The following RAD51 variants were observed in gnomAD, a reference collection of about 807,000 sequenced individuals.
RAD51 encodes RAD51 recombinase.
In RAD51, 14 loss-of-function variants were observed where a neutral mutation model predicts 41.5. That is an observed-to-expected ratio of 0.34 (90% CI 0.22 to 0.53). The LOEUF is 0.53. RAD51 is among the 20% of genes least tolerant of loss of function. The pLI, the probability that RAD51 is intolerant of heterozygous loss-of-function variation, is 0.95. For missense variants in RAD51, 234 were observed against 422.0 expected, an observed-to-expected ratio of 0.55 and a Z score of 3.90; for synonymous variants, 136 against 148.6, an observed-to-expected ratio of 0.92 and a Z score of 0.62.
chr15:40,711,469 T>A (rs1287249049), intron 5 of RAD51, among the ~76,000 whole-genome samples: 1 of 152,056 alleles, frequency 6.6e-6, no homozygotes, highest in East Asian at 1.9e-4. Context: ...TGAGTGGAGA[T>A]AATAGATGTC....
intron 1 of RAD51, among the ~76,000 whole-genome samples, chr15:40,696,265 A>G (rs1894626689): frequency 6.6e-6 from 1 of 152,150 alleles, no homozygotes; most frequent in African/African-American, 2.4e-5. Context: ...AACTGTATAC[A>G]ACTCCGTGAA....
chr15:40,727,074 C>G (rs912620958), intron 6 of RAD51, among the ~76,000 whole-genome samples: 16 of 152,138 alleles, frequency 1.1e-4, no homozygotes, highest in African/African-American at 3.9e-4. Context: ...GGTAAACCTT[C>G]TCTGTTTTTA....
chr15:40,702,806 C>T (rs963911343), intron 3 of RAD51, among the ~76,000 whole-genome samples: 1 of 150,486 alleles, frequency 6.6e-6, no homozygotes, highest in African/African-American at 2.5e-5. Flanking sequence ...GCACTAGCCA[C>T]TGTGCCCACC....
intron 5 of RAD51, among the ~76,000 whole-genome samples, chr15:40,710,241 C>CAAAAAAAAAAAAAAAA (rs71104728): frequency 4.5e-5 from 2 of 44,302 alleles, no homozygotes; most frequent in Non-Finnish European, 7.0e-5. Context: ...GACTCTGTCT[C>CAAAAAAAAAAAAAAAA]AAAAAAAAAA....
chr15:40,724,192 C>T (rs1033255366), intron 6 of RAD51, among the ~76,000 whole-genome samples: 2 of 152,204 alleles, frequency 1.3e-5, no homozygotes, highest in East Asian at 3.8e-4. Flanking sequence ...AAAGGAATTA[C>T]TCTTTTGCAG....
chr15:40,731,746 C>T lies in RAD51; in HGVS notation c.*568C>T, dbSNP rs1896885998. 4.5e-6 allele frequency: 1 copy of T among 221,296 alleles called. No homozygotes were observed. The highest frequency in any genetic ancestry group is 9.1e-6 in the Non-Finnish European group (1 of 110,426). 13.7% of individuals were successfully genotyped at this position (221,296 alleles called of 1,614,324 possible). A position where few individuals can be genotyped will look rare whatever the true frequency, so the allele number is the denominator to read the frequency against. Reference sequence around the variant, plus strand: ...GCCCTTCACCATCTACCTGCTTGGTCTTTCATTGCTAAGACTAACTCAAGA... The same window carrying T: ...GCCCTTCACCATCTACCTGCTTGGTTTTTCATTGCTAAGACTAACTCAAGA... On this transcript the variant is annotated 3_prime_UTR_variant, in exon 10 of 10. Coordinates refer to ENST00000267868, the MANE Select transcript of RAD51 (RefSeq NM_002875.5).
Position 40,712,882 on chromosome 15 carries a change from T to TC in RAD51, c.435+3766_435+3767insC, listed in dbSNP as rs1217968510. ...GTTTTTTTTTCTTTTCTTTTCTTTT[T>TC]TTTTTTTTTTTTTTGAGAAAGAGTC... On this transcript the variant is annotated intron_variant, in intron 5 of 9. Transcript: ENST00000267868. Among the ~76,000 whole-genome samples, 25 of 138,648 alleles carry TC rather than the reference T, an allele frequency of 1.8e-4. No homozygotes were observed. In the Admixed American group the frequency reaches 2.2e-3, roughly 12 times the overall value. The allele number at this position is 138,648 out of a possible 152,430, so 91.0% of individuals were successfully genotyped here.
chr15:40,714,159 G>A (rs985534495), intron 5 of RAD51, among the ~76,000 whole-genome samples: 6 of 152,026 alleles, frequency 3.9e-5, no homozygotes, highest in African/African-American at 1.4e-4. Context: ...AAGAGCTGAG[G>A]GGGAGGGGTG....
At chr15:40,714,082 G>A (rs1895865694) in intron 5 of RAD51, among the ~76,000 whole-genome samples, 2 of 142,870 alleles carry the variant, frequency 1.4e-5, no homozygotes, top group South Asian at 4.4e-4. Flanking sequence ...TCCAACCTCA[G>A]CCTCCCACAT....
chr15:40,711,367 C>T (rs958716814), intron 5 of RAD51, among the ~76,000 whole-genome samples: 1 of 152,186 alleles, frequency 6.6e-6, no homozygotes, highest in African/African-American at 2.4e-5. Flanking sequence ...GGTCGAGGCT[C>T]CAGTGACTGG....
rs775210378 is a variant in RAD51 at position 40,706,273 on chromosome 15, G to C, written c.322G>C (p.Glu108Gln). ...EIIQITTGSK[E>Q]LDKLLQGGIE... ...CATACAGATTACTACTGGCTCCAAA[G>C]AGCTTGACAAACTACTTCAAGGTGT... The change falls in exon 4 of 10, where the codon GAG (glutamate) becomes CAG (glutamine). Residue 108 changes from glutamate to glutamine, a missense_variant. Physicochemically the swap from Glu to Gln is conservative, Grantham distance 29 (BLOSUM62 2). Coordinates refer to ENST00000267868, the MANE Select transcript of RAD51 (RefSeq NM_002875.5). 1 of 1,612,538 alleles carries C rather than the reference G, an allele frequency of 6.2e-7. No homozygotes were observed. The highest frequency in any genetic ancestry group is 2.2e-5 in the East Asian group (1 of 44,872).
intron 7 of RAD51, among the ~76,000 whole-genome samples, chr15:40,729,266 C>T (rs746785777): frequency 1.3e-5 from 2 of 149,712 alleles, no homozygotes; most frequent in Non-Finnish European, 3.0e-5. Context: ...CCAGCTACTC[C>T]GGAGGCTGAA....
At chr15:40,719,905 A>T (rs1030204560) in intron 6 of RAD51, among the ~76,000 whole-genome samples, 1 of 152,164 alleles carries the variant, frequency 6.6e-6, no homozygotes, top group African/African-American at 2.4e-5. Context: ...TCAGGAAGAT[A>T]TAACAGTTGT....
chr15:40,698,949 G>C (rs1894820286), intron 2 of RAD51, 104 bp downstream of exon 2: 1 of 1,166,548 alleles, frequency 8.6e-7, no homozygotes. Flanking sequence ...CCAAGGTCAA[G>C]ACCCAAATTA....
intron 1 of RAD51, among the ~76,000 whole-genome samples, chr15:40,697,187 G>A (rs1461183585): frequency 6.6e-6 from 1 of 152,088 alleles, no homozygotes; most frequent in Non-Finnish European, 1.5e-5. Context: ...CGCAACCTCC[G>A]CCTCCCGGGT....
intron 4 of RAD51, among the ~76,000 whole-genome samples, chr15:40,707,930 C>A (rs1189573610): frequency 2.0e-5 from 3 of 150,480 alleles, no homozygotes; most frequent in Non-Finnish European, 3.0e-5. Context: ...CTTGGCCAGG[C>A]TGGTCTCAAA....
intron 3 of RAD51, among the ~76,000 whole-genome samples, chr15:40,702,251 C>T (rs1324199769): frequency 6.6e-6 from 1 of 152,086 alleles, no homozygotes; most frequent in Admixed American, 6.6e-5. Context: ...TTGACTAAGC[C>T]AGTAGGGGTC....
rs35383252 is a variant in RAD51 at position 40,701,776 on chromosome 15, ATTTTTTT to A, written c.225+595_225+601del. On this transcript the variant is annotated intron_variant, in intron 3 of 9. Transcript: ENST00000267868. The stretch of plus-strand genomic sequence containing the variant: ...TGAAGTTTTATGTAGTATAAAGCAG[ATTTTTTT>A]TTTTTTTTTTTTTTTTTTTGAGACG... The A allele has an allele frequency of 6.6e-4, 89 of 134,734 alleles. No homozygotes were observed. Among genetic ancestry groups the A allele is most frequent in the South Asian group, 1.2e-3 (20 of 17,264 alleles). 8.3% of individuals were successfully genotyped at this position (134,734 alleles called of 1,614,324 possible).
At position 40,704,670 on chromosome 15, in the gene RAD51, A is replaced by AT. The variant is rs34658879; in HGVS notation, c.226-1490dup. Reference sequence around the variant, plus strand: ...CACCATGCCCAGCCATGCCCTACTAATTTTTTTTTTTTTTTTTGAGATGGA... The same window carrying AT: ...CACCATGCCCAGCCATGCCCTACTAATTTTTTTTTTTTTTTTTTGAGATGGA... On this transcript the variant is annotated intron_variant, in intron 3 of 9. Coordinates refer to ENST00000267868, the MANE Select transcript of RAD51 (RefSeq NM_002875.5). Among the ~76,000 whole-genome samples, 783 of 133,304 alleles carry AT rather than the reference A, an allele frequency of 5.9e-3. 7 individuals are homozygous for AT. Among genetic ancestry groups the AT allele is most frequent in the Non-Finnish European group, 8.1e-3 (508 of 62,862 alleles). The allele number at this position is 133,304 out of a possible 152,430, so 87.5% of individuals were successfully genotyped here.
Sources: allele counts gnomAD v4.1 joint callset (sites outside exome capture counted in the v4.1 genomes callset), GRCh38; gene constraint gnomAD v4.1.1; transcripts MANE v1.5; gene names NCBI Gene and HGNC (gene_info 2026-07-23, HGNC 2026-07-21).